The following SIPA1L2 variants were observed in gnomAD, a reference collection of about 807,000 sequenced individuals.
SIPA1L2 encodes the protein signal-induced proliferation-associated 1-like protein 2.
Under a neutral mutation model 163.9 loss-of-function variants are expected in SIPA1L2, and 56 were observed. The ratio of observed to expected loss-of-function variants is 0.34; its 90% CI spans 0.28 to 0.43. The LOEUF (loss-of-function observed/expected upper bound fraction) is 0.43. Among genes scored for constraint, SIPA1L2 ranks in the 20% least tolerant of loss-of-function variants. SIPA1L2 has a pLI of 1.00. For missense variants in SIPA1L2, 1,974 were observed against 2,193.5 expected (o/e 0.90, Z 2.00); for synonymous variants, 877 against 865.7 (o/e 1.01, Z -0.23).
chr1:232,601,745 G>GT (rs1661604963), intron 1 of SIPA1L2, among the ~76,000 whole-genome samples: 1 of 152,102 alleles, frequency 6.6e-6, no homozygotes. Flanking sequence ...AATGTCAAAG[G>GT]TAACAATTTT....
chr1:232,514,210 C>A lies in SIPA1L2; in HGVS notation c.1130G>T (p.Cys377Phe). The change falls in exon 3 of 23, where the codon TGT becomes TTT. Residue 377 changes from cysteine to phenylalanine, a missense_variant. Coordinates refer to ENST00000674635, the MANE Select transcript of SIPA1L2 (RefSeq NM_020808.5). The part of the protein sequence containing the change: ...TQMPTGQTGN[C>F]ESPLGSKEDL... ...CTCCTTGCTCCCTAAAGGGGACTCA[C>A]AGTTGCCTGTCTGGCCCGTAGGCAT... is the stretch of plus-strand genomic sequence containing the variant. 6.2e-7 allele frequency: 1 copy of A among 1,614,246 alleles called. No individual in the cohort carries two copies. The highest frequency in any genetic ancestry group is 8.5e-7 in the Non-Finnish European group (1 of 1,180,042).
At position 232,630,088 on chromosome 1, in the gene SIPA1L2, C is replaced by G. The variant is rs1663310232; in HGVS notation, c.-538G>C. ...CGGGGGCGCGGTGCTCCTCCTCCGT[C>G]CTCCTCCTCCTCTCGCTCCGCCAGC... On this transcript the variant is annotated 5_prime_UTR_variant, in exon 1 of 23. Transcript: ENST00000674635. Among the ~76,000 whole-genome samples, 1 of 150,700 alleles carries G rather than the reference C, an allele frequency of 6.6e-6. No individual in the cohort carries two copies. The highest frequency in any genetic ancestry group is 2.1e-4 in the South Asian group (1 of 4,822).
At chr1:232,445,883 T>C in intron 10 of SIPA1L2, 97 bp from the exon 11 acceptor site, 1 of 1,389,896 alleles carries the variant, frequency 7.2e-7, no homozygotes. Context: ...CATCACATGG[T>C]GTGTGCCTCT....
intron 10 of SIPA1L2, among the ~76,000 whole-genome samples, chr1:232,449,487 C>T (rs796287008): frequency 2.8e-5 from 4 of 144,250 alleles, no homozygotes; most frequent in Admixed American, 7.1e-5. Context: ...CACTGCAGTC[C>T]GGCCTAGGCA....
intron 3 of SIPA1L2, among the ~76,000 whole-genome samples, chr1:232,499,287 C>T (rs1348924791): frequency 6.6e-6 from 1 of 152,126 alleles, no homozygotes; most frequent in Admixed American, 6.6e-5. Flanking sequence ...CCTCTTGAAC[C>T]AAACAGTGAA....
At position 232,460,872 on chromosome 1, in the gene SIPA1L2, C is replaced by T. The variant is rs763467937; in HGVS notation, c.3095+15G>A. On this transcript the variant is annotated intron_variant, in intron 10 of 22. Coordinates refer to ENST00000674635, the MANE Select transcript of SIPA1L2 (RefSeq NM_020808.5). ...AAAGGAGGAGTGAGCATTACTTGGG[C>T]CTCCCACGCCTTACCTTCGGGGCGA... 90 of 1,606,792 alleles carry T rather than the reference C, an allele frequency of 5.6e-5. 1 individual carries two copies. The Admixed American group carries it at 1.4e-3, about 26-fold the overall frequency.
chr1:232,526,339 T>C (rs1416285658), intron 2 of SIPA1L2, among the ~76,000 whole-genome samples: 1 of 120,972 alleles, frequency 8.3e-6, no homozygotes, highest in Non-Finnish European at 1.7e-5. Flanking sequence ...AACCCAGCGG[T>C]CCCCAACATT....
At chr1:232,414,779 G>A (rs1209940956) in intron 19 of SIPA1L2, among the ~76,000 whole-genome samples, 1 of 152,168 alleles carries the variant, frequency 6.6e-6, no homozygotes, top group Non-Finnish European at 1.5e-5. Flanking sequence ...TCACGATCCC[G>A]AGGGCCCCAG....
chr1:232,486,162 G>A lies in SIPA1L2; in HGVS notation c.1807-2196C>T, dbSNP rs555355814. 3.3e-5 allele frequency among the ~76,000 whole-genome samples: 5 copies of A among 152,284 alleles called. No individual in the cohort carries two copies. In the South Asian group the frequency reaches 1.0e-3, roughly 32 times the overall value. On this transcript the variant is annotated intron_variant, in intron 5 of 22. Transcript: ENST00000674635. ...CAGCTCTTAAATGAGGAGTCCTGGA[G>A]TAGAGCTGTTTGGGAGCCGAGGGTG...
At chr1:232,420,132 G>C (rs889450254) in intron 18 of SIPA1L2, among the ~76,000 whole-genome samples, 1 of 152,064 alleles carries the variant, frequency 6.6e-6, no homozygotes, top group African/African-American at 2.4e-5. Context: ...GACCAACCTG[G>C]CTAACATGGT....
intron 20 of SIPA1L2, among the ~76,000 whole-genome samples, chr1:232,403,858 C>T (rs1453303904): frequency 6.6e-6 from 1 of 152,148 alleles, no homozygotes; most frequent in Non-Finnish European, 1.5e-5. Context: ...TTCTTCTTTC[C>T]ACATCCCAAG....
At chr1:232,538,833 A>G (rs1192908524) in intron 2 of SIPA1L2, among the ~76,000 whole-genome samples, 1 of 152,232 alleles carries the variant, frequency 6.6e-6, no homozygotes, top group African/African-American at 2.4e-5. Flanking sequence ...TGGGTGGGTG[A>G]GCTGACTCAC....
chr1:232,414,434 C>G (rs1397108007), intron 19 of SIPA1L2, among the ~76,000 whole-genome samples: 1 of 152,190 alleles, frequency 6.6e-6, no homozygotes, highest in African/African-American at 2.4e-5. Flanking sequence ...TGCACCTCCC[C>G]TCCTGGGAAA....
At chr1:232,552,199 G>C (rs777440862) in intron 2 of SIPA1L2, among the ~76,000 whole-genome samples, 32 of 152,126 alleles carry the variant, frequency 2.1e-4, no homozygotes, top group Non-Finnish European at 4.0e-4. Flanking sequence ...TTAGTGTCCA[G>C]TGCCTCACAA....
At chr1:232,404,672 AGGGAATAGAATAGTCTTAAGAAT>A (rs1660539646) in intron 19 of SIPA1L2, among the ~76,000 whole-genome samples, 2 of 152,332 alleles carry the variant, frequency 1.3e-5, no homozygotes, top group South Asian at 4.1e-4. Flanking sequence ...TCGGAAGGAA[AGGGAATAGAATAGTCTTAAGAAT>A]GGGCGCCAGA....
chr1:232,569,484 C>T (rs776065948), intron 2 of SIPA1L2, among the ~76,000 whole-genome samples: 6 of 152,038 alleles, frequency 3.9e-5, no homozygotes, highest in Admixed American at 1.3e-4. Flanking sequence ...GAAACTTGGG[C>T]GGGACAATGA....
intron 2 of SIPA1L2, among the ~76,000 whole-genome samples, chr1:232,519,265 G>T (rs538827363): frequency 3.6e-4 from 55 of 152,118 alleles, no homozygotes; most frequent in Non-Finnish European, 7.4e-4. Context: ...TCCTCTAGTA[G>T]ACCCAAGGCC....
rs2102904074 is a variant in SIPA1L2, at chr1:232,629,871, TC to T, written c.-322del. Among the ~76,000 whole-genome samples, 1 of 151,636 alleles carries T rather than the reference TC, an allele frequency of 6.6e-6. No homozygotes were observed. Among genetic ancestry groups the T allele is most frequent in the Non-Finnish European group, 1.5e-5 (1 of 67,794 alleles). Reference sequence around the variant, plus strand: ...CCGTCGGATTCCCCGACACGAACCTTCGCAACGCCGTCCGCCGGAACCTGCT... The same window carrying T: ...CCGTCGGATTCCCCGACACGAACCTTGCAACGCCGTCCGCCGGAACCTGCT... On this transcript the variant is annotated 5_prime_UTR_variant, in exon 1 of 23. Coordinates refer to ENST00000674635, the MANE Select transcript of SIPA1L2 (RefSeq NM_020808.5).
At chr1:232,623,160 G>C (rs531805181) in intron 1 of SIPA1L2, among the ~76,000 whole-genome samples, 1 of 152,328 alleles carries the variant, frequency 6.6e-6, no homozygotes, top group East Asian at 1.9e-4. Context: ...CTAACGGCTG[G>C]GAAGCCAGGC....
Sources: allele counts gnomAD v4.1 joint callset (sites outside exome capture counted in the v4.1 genomes callset), GRCh38; gene constraint gnomAD v4.1.1; transcripts MANE v1.5; gene names NCBI Gene and HGNC (gene_info 2026-07-23, HGNC 2026-07-21).